PCDH9: variants seen among roughly 807,000 people sequenced by gnomAD.
PCDH9 encodes protocadherin-9.
PCDH9 carries 24 observed loss-of-function variants against 70.6 expected under a neutral mutation model. The observed-to-expected ratio is 0.34, with a 90% CI of 0.25 to 0.48. The LOEUF is 0.48. Ranked by LOEUF, PCDH9 falls within the 20% of genes least tolerant of loss-of-function variation. PCDH9 has a pLI of 0.99. For missense variants in PCDH9, 1,281 were observed against 1,503.6 expected (o/e 0.85, Z 2.45); for synonymous variants, 562 against 558.5 (o/e 1.01, Z -0.09).
chr13:67,128,417 T>C (rs949071096), intron 2 of PCDH9, among the ~76,000 whole-genome samples: 1 of 152,200 alleles, frequency 6.6e-6, no homozygotes, highest in South Asian at 2.1e-4. Flanking sequence ...AAGCCCATGC[T>C]GAAAAGTTAT....
chr13:66,549,470 T>C (rs1961372626), intron 4 of PCDH9, among the ~76,000 whole-genome samples: 1 of 152,148 alleles, frequency 6.6e-6, no homozygotes, highest in African/African-American at 2.4e-5. Flanking sequence ...CTTAATAAAC[T>C]GTACATATAC....
intron 3 of PCDH9, among the ~76,000 whole-genome samples, chr13:66,832,117 T>C (rs571077200): frequency 1.1e-4 from 17 of 152,162 alleles, no homozygotes; most frequent in Non-Finnish European, 1.6e-4. Context: ...TTTGACATAA[T>C]AACAGCACAA....
At chr13:66,745,008 T>A (rs1212196197) in intron 3 of PCDH9, among the ~76,000 whole-genome samples, 1 of 152,164 alleles carries the variant, frequency 6.6e-6, no homozygotes, top group Non-Finnish European at 1.5e-5. Flanking sequence ...ATTGCCTGGA[T>A]TCAAATTCAG....
chr13:66,794,235 AGAAG>A (rs2080204690), intron 3 of PCDH9, among the ~76,000 whole-genome samples: 2 of 152,182 alleles, frequency 1.3e-5, no homozygotes, highest in East Asian at 1.9e-4. Context: ...CTAATTAGGA[AGAAG>A]GAAGGAAGGA....
chr13:66,404,102 A>C (rs1414865603), intron 4 of PCDH9, among the ~76,000 whole-genome samples: 1 of 152,336 alleles, frequency 6.6e-6, no homozygotes, highest in African/African-American at 2.4e-5. Context: ...AAGATGACTC[A>C]GTTATCTAAA....
intron 3 of PCDH9, among the ~76,000 whole-genome samples, chr13:66,718,666 T>C (rs1369474574): frequency 1.3e-5 from 2 of 152,200 alleles, no homozygotes; most frequent in Non-Finnish European, 2.9e-5. Flanking sequence ...ACGTGAATTA[T>C]AAGCAATTTT....
intron 3 of PCDH9, among the ~76,000 whole-genome samples, chr13:66,822,165 T>C (rs1246374894): frequency 7.6e-6 from 1 of 132,342 alleles, no homozygotes; most frequent in Non-Finnish European, 1.7e-5. Context: ...CACACTCATA[T>C]ATAGACATAA....
chr13:66,956,350 T>C (rs1157726468), intron 2 of PCDH9, among the ~76,000 whole-genome samples: 1 of 152,172 alleles, frequency 6.6e-6, no homozygotes, highest in Non-Finnish European at 1.5e-5. Context: ...AAGGTGACCT[T>C]AGTAATGACT....
At chr13:66,707,094 T>C (rs1373581020) in intron 3 of PCDH9, among the ~76,000 whole-genome samples, 1 of 152,198 alleles carries the variant, frequency 6.6e-6, no homozygotes, top group Non-Finnish European at 1.5e-5. Flanking sequence ...ATTTTCATTT[T>C]AGCACCTCTT....
chr13:67,161,518 A>C (rs964316420), intron 2 of PCDH9, among the ~76,000 whole-genome samples: 1 of 152,220 alleles, frequency 6.6e-6, no homozygotes, highest in Admixed American at 6.5e-5. Context: ...AACACAGTTT[A>C]ACCATGGAGC....
chr13:67,196,558 G>A (rs1393055580), intron 2 of PCDH9, among the ~76,000 whole-genome samples: 1 of 152,032 alleles, frequency 6.6e-6, no homozygotes, highest in African/African-American at 2.4e-5. Context: ...TAAATGTATG[G>A]AGAAAAGCAT....
At chr13:66,460,328 C>T (rs1455220449) in intron 4 of PCDH9, among the ~76,000 whole-genome samples, 3 of 151,794 alleles carry the variant, frequency 2.0e-5, no homozygotes, top group African/African-American at 4.8e-5. Context: ...ATTTGAAGAG[C>T]TTTATCAGCC....
intron 2 of PCDH9, among the ~76,000 whole-genome samples, chr13:67,005,743 G>A (rs9592497): frequency 6.6e-6 from 1 of 152,076 alleles, no homozygotes; most frequent in African/African-American, 2.4e-5. Context: ...GGTAACAGAT[G>A]ATGATTGCAT....
At chr13:66,464,426 G>A (rs2138462678) in intron 4 of PCDH9, among the ~76,000 whole-genome samples, 1 of 152,012 alleles carries the variant, frequency 6.6e-6, no homozygotes, top group African/African-American at 2.4e-5. Flanking sequence ...TACCTGAAAA[G>A]CTTCCACAAT....
At chr13:66,945,190 A>G (rs890919292) in intron 2 of PCDH9, among the ~76,000 whole-genome samples, 2 of 146,716 alleles carry the variant, frequency 1.4e-5, no homozygotes, top group Non-Finnish European at 3.0e-5. Flanking sequence ...ACCATCTGAG[A>G]CTTACCTGCC....
At chr13:66,823,642 T>C (rs1331770645) in intron 3 of PCDH9, among the ~76,000 whole-genome samples, 1 of 152,072 alleles carries the variant, frequency 6.6e-6, no homozygotes, top group Non-Finnish European at 1.5e-5. Flanking sequence ...GTATGGGTTT[T>C]TCAGGAAAAT....
chr13:66,663,015 ATTGTT>A (rs2139020899), intron 3 of PCDH9, among the ~76,000 whole-genome samples: 1 of 152,324 alleles, frequency 6.6e-6, no homozygotes, highest in South Asian at 2.1e-4. Context: ...CTCAGTATCA[ATTGTT>A]TTACTTCTTT....
chr13:67,196,370 A>G (rs2089065918), intron 2 of PCDH9, among the ~76,000 whole-genome samples: 1 of 152,088 alleles, frequency 6.6e-6, no homozygotes, highest in African/African-American at 2.4e-5. Context: ...GAATATGAAC[A>G]TAAATGTGTA....
rs116657441 is a variant in PCDH9 at position 67,182,514 on chromosome 13, C to T, written c.3036+42891G>A. Among the ~76,000 whole-genome samples the T allele has an allele frequency of 6.0e-3, 910 of 152,164 alleles. 6 individuals are homozygous for T. The highest frequency in any genetic ancestry group is 0.021 in the African/African-American group (871 of 41,530). ...TCTTTCCTCACTAAAGTCAGTTCTA[C>T]ACATAGTAATCGAAATGTTCTCTAA... On this transcript the variant is annotated intron_variant, in intron 2 of 4. Coordinates refer to ENST00000377865, the MANE Select transcript of PCDH9 (RefSeq NM_203487.3).
Sources: gnomAD v4.1 joint callset for allele counts (sites outside exome capture counted in the v4.1 genomes callset) on GRCh38, gnomAD v4.1.1 for gene constraint, MANE v1.5 for transcripts, NCBI Gene and HGNC (gene_info 2026-07-23, HGNC 2026-07-21) for gene names.